SYNM: variants seen among roughly 807,000 people sequenced by gnomAD.
SYNM encodes the protein desmuslin.
A neutral mutation model predicts 104.0 loss-of-function variants in SYNM; 95 were observed. The observed-to-expected ratio is 0.91, with a 90% confidence interval of 0.77 to 1.08. SYNM has a LOEUF of 1.08. Ranked by LOEUF, SYNM falls within the 50% of genes least tolerant of loss-of-function variation. The probability of loss-of-function intolerance (pLI) is 0.00; values close to 1 mark genes in which losing one functional copy is unlikely to be tolerated. For synonymous variants in SYNM, 918 were observed against 869.0 expected (o/e 1.06, Z -0.99); for missense variants, 2,150 against 2,052.2 (o/e 1.05, Z -0.92).
chr15:99,105,257 G>C lies in SYNM; in HGVS notation c.58G>C (p.Ala20Pro). The C allele has an allele frequency of 6.4e-7, 1 of 1,566,808 alleles. No individual in the cohort carries two copies. The highest frequency in any genetic ancestry group is 2.4e-5 in the East Asian group (1 of 42,456). ...PEKAELQELN[A>P]RLYDYVCRVR... Reference sequence around the variant, plus strand: ...GAAGGCCGAGCTCCAGGAGCTCAACGCCCGGCTCTATGACTACGTGTGTCG... The same window carrying C: ...GAAGGCCGAGCTCCAGGAGCTCAACCCCCGGCTCTATGACTACGTGTGTCG... Residue 20 changes from alanine (A) to proline (P), a missense_variant, in exon 1 of 4, where the codon GCC (alanine) becomes CCC (proline). Coordinates refer to ENST00000336292, the MANE Select transcript of SYNM (RefSeq NM_145728.3).
At chr15:99,115,161 A>G (rs1680012229) in intron 2 of SYNM, among the ~76,000 whole-genome samples, 1 of 152,196 alleles carries the variant, frequency 6.6e-6, no homozygotes, top group African/African-American at 2.4e-5. Context: ...AAAAGGGCAC[A>G]GTGCCTGCTC....
chr15:99,108,072 T>G (rs1377193399), intron 1 of SYNM, among the ~76,000 whole-genome samples: 1 of 151,994 alleles, frequency 6.6e-6, no homozygotes, highest in African/African-American at 2.4e-5. Context: ...CTTCCTGGGC[T>G]CAAGTGATTC....
At chr15:99,137,998 A>G (rs782797991), downstream of SYNM, 2 of 1,614,006 alleles carry the variant, frequency 1.2e-6, no homozygotes, top group East Asian at 4.5e-5. Context: ...AGGCTTTTTC[A>G]GGGTGGGGGC....
chr15:99,116,335 T>C (rs1485332200), intron 2 of SYNM, among the ~76,000 whole-genome samples: 1 of 152,202 alleles, frequency 6.6e-6, no homozygotes, highest in Non-Finnish European at 1.5e-5. Context: ...CGGGCTTTAT[T>C]TGGGGGAAGA....
intron 2 of SYNM, 102 bp from the exon 3 acceptor site, chr15:99,126,620 G>C (rs1555485035): frequency 8.7e-7 from 1 of 1,150,088 alleles, no homozygotes; most frequent in Non-Finnish European, 1.2e-6. Context: ...CCTAAAACAG[G>C]TGACACTATG....
chr15:99,139,136 C>T (rs372048182), downstream of SYNM: 26 of 764,536 alleles, frequency 3.4e-5, no homozygotes, highest in African/African-American at 4.1e-4. Context: ...TTTTTAAATA[C>T]CTGGGCAAGG....
downstream of SYNM, chr15:99,139,508 G>C: frequency 6.4e-7 from 1 of 1,561,260 alleles, no homozygotes; most frequent in Middle Eastern, 1.7e-4. Context: ...AGGCCCTGCT[G>C]TGATGGAATT....
In SYNM at chr15:99,105,080, A is replaced by G. The variant is rs2067215701; in HGVS notation, c.-120A>G. The G allele has an allele frequency of 8.5e-7, 1 of 1,183,160 alleles. No individual in the cohort carries two copies. Among genetic ancestry groups the G allele is most frequent in the East Asian group, 2.9e-5 (1 of 34,166 alleles). The allele number at this position is 1,183,160 out of a possible 1,614,324, so 73.3% of individuals were successfully genotyped here. ...GCCTGGGCTCTCCCGCTCGCGTCCC[A>G]GTCTGCGGGCCTCCGGGGCAGCGGC... On this transcript the variant is annotated 5_prime_UTR_variant, in exon 1 of 4. Transcript: ENST00000336292.
intron 2 of SYNM, among the ~76,000 whole-genome samples, chr15:99,115,489 G>T (rs1555483845): frequency 2.3e-5 from 3 of 130,042 alleles, no homozygotes; most frequent in African/African-American, 6.2e-5. Flanking sequence ...TTTTGAGATG[G>T]AGTCTTGCTC....
intron 2 of SYNM, 97 bp downstream of exon 2, chr15:99,113,812 A>C (rs2151800772): frequency 6.6e-7 from 1 of 1,505,432 alleles, no homozygotes; most frequent in Non-Finnish European, 8.9e-7. Context: ...TTGTGGAGTC[A>C]CTGTGGCTTT....
intron 1 of SYNM, among the ~76,000 whole-genome samples, chr15:99,110,313 C>G (rs1326651244): frequency 6.6e-6 from 1 of 152,208 alleles, no homozygotes; most frequent in South Asian, 2.1e-4. Context: ...TGTATACACC[C>G]TGGGAGCTAC....
intron 1 of SYNM, among the ~76,000 whole-genome samples, chr15:99,112,056 A>C (rs953076495): frequency 1.3e-5 from 2 of 152,344 alleles, no homozygotes; most frequent in Admixed American, 6.5e-5. Context: ...CCAAAAACAA[A>C]CAAAACAACC....
In SYNM at chr15:99,130,631, C is replaced by CG; in HGVS notation, c.2275dup (p.Glu759GlyfsTer27). The CG allele has an allele frequency of 6.2e-7, 1 of 1,613,318 alleles. No individual in the cohort carries two copies. Among genetic ancestry groups the CG allele is most frequent in the Non-Finnish European group, 8.5e-7 (1 of 1,179,594 alleles). ...TGGAGGAGCCCGTGAGTTATGTCAG[C>CG]GGGGAGAAGCCGGAGGAGTTTTCCG... On this transcript the variant is annotated frameshift_variant, in exon 4 of 4. Coordinates refer to ENST00000336292, the MANE Select transcript of SYNM (RefSeq NM_145728.3). LOFTEE classifies it high-confidence loss of function.
chr15:99,141,269 A>C, the SYNM span, among the ~76,000 whole-genome samples: 1 of 152,174 alleles, frequency 6.6e-6, no homozygotes, highest in Non-Finnish European at 1.5e-5. Flanking sequence ...ATAACCACAT[A>C]GATGAATCTC....
downstream of SYNM, chr15:99,136,241 G>A (rs1417448541): frequency 6.6e-6 from 1 of 152,174 alleles, no homozygotes; most frequent in Non-Finnish European, 1.5e-5. Context: ...GGGTGGGGTG[G>A]GGTGGGGGCG....
At chr15:99,135,745 T>G (rs1398261076), downstream of SYNM, among the ~76,000 whole-genome samples, 1 of 152,230 alleles carries the variant, frequency 6.6e-6, no homozygotes, top group Non-Finnish European at 1.5e-5. Context: ...CTCTAATTCC[T>G]CACCTGAATC....
At position 99,129,469 on chromosome 15, in the gene SYNM, A is replaced by C. The variant is rs782637067; in HGVS notation, c.1109A>C (p.His370Pro). 2 of 1,614,026 alleles carry C rather than the reference A, an allele frequency of 1.2e-6. No individual in the cohort carries two copies. Among genetic ancestry groups the C allele is most frequent in the Non-Finnish European group, 1.7e-6 (2 of 1,179,902 alleles). Reference sequence around the variant, plus strand: ...AAAGCACCTTTGGCAAGTTTCAATCACAGCTCGGCACTGTATTCTAACCTG... The same window carrying C: ...AAAGCACCTTTGGCAAGTTTCAATCCCAGCTCGGCACTGTATTCTAACCTG... ...RQKAPLASFNHSSALYSNLSG... is the reference protein window; with the variant it reads ...RQKAPLASFNPSSALYSNLSG... Residue 370 changes from histidine (H) to proline (P), a missense_variant, in exon 4 of 4, where the codon CAC becomes CCC. By Grantham distance (77) the His-to-Pro change is moderately conservative. Transcript: ENST00000336292.
chr15:99,138,056 T>C (rs1555488026), downstream of SYNM: 1 of 1,614,052 alleles, frequency 6.2e-7, no homozygotes, highest in Non-Finnish European at 8.5e-7. Context: ...CAGGGTGTCC[T>C]GAGGGATGCT....
At chr15:99,112,319 G>A (rs935847045) in intron 1 of SYNM, among the ~76,000 whole-genome samples, 1 of 152,208 alleles carries the variant, frequency 6.6e-6, no homozygotes, top group African/African-American at 2.4e-5. Context: ...GAAGTTAAAA[G>A]TACATGGACT....
Sources: allele counts gnomAD v4.1 joint callset (sites outside exome capture counted in the v4.1 genomes callset), GRCh38; gene constraint gnomAD v4.1.1; transcripts MANE v1.5; gene names NCBI Gene and HGNC (gene_info 2026-07-23, HGNC 2026-07-21).